Variants in SOX5 observed in about 807,000 individuals in gnomAD.
The protein encoded by SOX5 is SRY-box transcription factor 5.
In SOX5, 9 loss-of-function variants were observed where a neutral mutation model predicts 92.0. The ratio of observed to expected loss-of-function variants is 0.10; its 90% CI spans 0.06 to 0.17. SOX5 has a LOEUF of 0.17. SOX5 is among the 10% of genes least tolerant of loss of function. The probability of loss-of-function intolerance (pLI) is 1.00; values close to 1 mark genes in which losing one functional copy is unlikely to be tolerated. For missense variants in SOX5, 642 were observed against 944.5 expected (o/e 0.68, Z 4.20); for synonymous variants, 344 against 336.3 (o/e 1.02, Z -0.25).
rs61356582 is a variant in SOX5 at position 23,887,917 on chromosome 12, A to ATGTGTGTGTGTGTG, written c.270+7862_270+7875dup. On this transcript the variant is annotated intron_variant, in intron 2 of 14. Transcript: ENST00000451604. The stretch of plus-strand genomic sequence containing the variant: ...TGATGGTAATTGGTCCAGTGTGTAT[A>ATGTGTGTGTGTGTG]TGTGTGTGTGTGTGTGTGTGTGTGT... 2.2e-3 allele frequency among the ~76,000 whole-genome samples: 320 copies of ATGTGTGTGTGTGTG among 144,764 alleles called. 5 individuals carry two copies. The highest frequency in any genetic ancestry group is 5.1e-3 in the South Asian group (23 of 4,542). The allele number at this position is 144,764 out of a possible 152,430, so 95.0% of individuals were successfully genotyped here.
chr12:23,777,879 A>C (rs935091850), intron 3 of SOX5, among the ~76,000 whole-genome samples: 3 of 152,234 alleles, frequency 2.0e-5, no homozygotes, highest in Non-Finnish European at 4.4e-5. Context: ...TGAGATTGCT[A>C]TTCCCTTAGT....
chr12:23,666,522 T>A (rs980853885), intron 6 of SOX5, among the ~76,000 whole-genome samples: 1 of 152,206 alleles, frequency 6.6e-6, no homozygotes, highest in African/African-American at 2.4e-5. Context: ...AACAAATATT[T>A]AAGCAAGATC....
intron 2 of SOX5, among the ~76,000 whole-genome samples, chr12:24,366,076 G>A (rs1022570790): frequency 1.3e-5 from 2 of 152,052 alleles, no homozygotes; most frequent in East Asian, 1.9e-4. Context: ...GTTCTAGAAG[G>A]CATCAATTCA....
intron 2 of SOX5, among the ~76,000 whole-genome samples, chr12:23,876,397 T>C (rs1304963485): frequency 3.9e-5 from 6 of 152,152 alleles, no homozygotes; most frequent in Admixed American, 3.9e-4. Flanking sequence ...TATTGGTTAT[T>C]AGAGAAATGC....
intron 2 of SOX5, among the ~76,000 whole-genome samples, chr12:24,366,726 C>T (rs1956213456): frequency 1.3e-5 from 2 of 152,026 alleles, no homozygotes; most frequent in Non-Finnish European, 2.9e-5. Flanking sequence ...TAAATTCCCC[C>T]CTGTACTCTG....
upstream of SOX5, chr12:23,950,795 A>G (rs1374208640): frequency 7.3e-7 from 1 of 1,377,120 alleles, no homozygotes; most frequent in Non-Finnish European, 1.0e-6. Context: ...CTGGCAGCCG[A>G]GAAAGGTAAT....
intron 1 of SOX5, among the ~76,000 whole-genome samples, chr12:24,519,726 C>G (rs547151242): frequency 6.6e-6 from 1 of 152,028 alleles, no homozygotes; most frequent in Non-Finnish European, 1.5e-5. Context: ...AGCTATTGAT[C>G]CATGAGAGAA....
intron 4 of SOX5, among the ~76,000 whole-genome samples, chr12:24,070,501 C>T (rs1179116855): frequency 1.3e-5 from 2 of 151,962 alleles, no homozygotes; most frequent in Non-Finnish European, 2.9e-5. Flanking sequence ...ATACATATAA[C>T]CACTGAATGT....
intron 2 of SOX5, among the ~76,000 whole-genome samples, chr12:23,887,908 A>AGT (rs1169542903): frequency 5.3e-4 from 56 of 105,948 alleles, no homozygotes; most frequent in East Asian, 2.1e-3. Flanking sequence ...TAATTGGTCC[A>AGT]GTGTGTATAT....
At chr12:23,689,150 C>T (rs776054486) in intron 6 of SOX5, among the ~76,000 whole-genome samples, 12 of 152,078 alleles carry the variant, frequency 7.9e-5, no homozygotes, top group Non-Finnish European at 1.5e-4. Flanking sequence ...ATCTGTTTAG[C>T]CCTTCTTAAT....
rs370377876 is a variant in SOX5, at chr12:24,045,943, T to C, written c.-1-149919A>G. On this transcript the variant is annotated intron_variant, in intron 4 of 4. Transcript: ENST00000446891. The stretch of plus-strand genomic sequence containing the variant: ...CTGTCACTCTGGCTGTTTTTGGTTT[T>C]GTTGTCTGTATTCAACGGAGGCTTG... Among the ~76,000 whole-genome samples the C allele has an allele frequency of 6.3e-4, 96 of 152,344 alleles. 1 individual carries two copies. Among genetic ancestry groups the C allele is most frequent in the African/African-American group, 2.2e-3 (93 of 41,588 alleles).
intron 3 of SOX5, among the ~76,000 whole-genome samples, chr12:23,835,997 A>G (rs2096408608): frequency 6.6e-6 from 1 of 151,870 alleles, no homozygotes; most frequent in Admixed American, 6.6e-5. Flanking sequence ...CGAGATTGAA[A>G]GAAGCATTTT....
intron 3 of SOX5, among the ~76,000 whole-genome samples, chr12:24,250,071 A>G (rs750842096): frequency 6.6e-6 from 1 of 152,224 alleles, no homozygotes; most frequent in African/African-American, 2.4e-5. Flanking sequence ...AGGAAACAAT[A>G]GTTATATCAC....
intron 1 of SOX5, among the ~76,000 whole-genome samples, chr12:23,936,519 A>G (rs1457301468): frequency 6.6e-6 from 1 of 150,788 alleles, no homozygotes; most frequent in Non-Finnish European, 1.5e-5. Flanking sequence ...GTGGTAGAAG[A>G]AGGCTAAGAA....
intron 1 of SOX5, among the ~76,000 whole-genome samples, chr12:24,486,801 T>G (rs187040286): frequency 5.9e-5 from 9 of 152,226 alleles, no homozygotes; most frequent in Non-Finnish European, 1.2e-4. Context: ...AATGTTAACA[T>G]GTACTGAGTC....
At chr12:23,889,562 T>C (rs2097106829) in intron 2 of SOX5, among the ~76,000 whole-genome samples, 4 of 152,322 alleles carry the variant, frequency 2.6e-5, no homozygotes, top group Admixed American at 2.0e-4. Context: ...ACAGTGAGCC[T>C]GAGCAAGTAA....
chr12:24,508,147 T>C (rs1948977326), intron 1 of SOX5, among the ~76,000 whole-genome samples: 1 of 152,138 alleles, frequency 6.6e-6, no homozygotes, highest in Non-Finnish European at 1.5e-5. Flanking sequence ...AGCAAGGGTT[T>C]TAAGCAGAGA....
intron 1 of SOX5, among the ~76,000 whole-genome samples, chr12:24,554,375 T>C (rs890475512): frequency 1.5e-4 from 23 of 152,276 alleles, no homozygotes; most frequent in Admixed American, 2.6e-4. Flanking sequence ...TTTCTTTTCC[T>C]CTCACAAACG....
chr12:24,506,207 T>A (rs1411695468), intron 1 of SOX5, among the ~76,000 whole-genome samples: 6 of 152,170 alleles, frequency 3.9e-5, no homozygotes, highest in Non-Finnish European at 7.3e-5. Flanking sequence ...ATATTATTTT[T>A]AATGTCTCCA....
Sources: allele counts gnomAD v4.1 joint callset (sites outside exome capture counted in the v4.1 genomes callset), GRCh38; gene constraint gnomAD v4.1.1; transcripts MANE v1.5; gene names NCBI Gene and HGNC (gene_info 2026-07-23, HGNC 2026-07-21).